Variants in PDIA5 observed in about 807,000 individuals in gnomAD.
The protein encoded by PDIA5 is protein disulfide-isomerase A5.
PDIA5 carries 58 observed loss-of-function variants against 77.6 expected under a neutral mutation model. The ratio of observed to expected loss-of-function variants is 0.75; its 90% confidence interval spans 0.61 to 0.93. The LOEUF is 0.93. Among genes scored for constraint, PDIA5 ranks in the 40% least tolerant of loss-of-function variants. PDIA5 has a pLI of 0.00. For synonymous variants in PDIA5, 250 were observed against 252.1 expected (o/e 0.99, Z 0.08); for missense variants, 630 against 647.7 (o/e 0.97, Z 0.30).
intron 14 of PDIA5, among the ~76,000 whole-genome samples, chr3:123,151,915 GCCTT>G (rs1197876949): frequency 2.4e-5 from 3 of 126,944 alleles, no homozygotes; most frequent in South Asian, 2.6e-4. Flanking sequence ...CTTCCTTCCT[GCCTT>G]CCTTCCTTCC....
intron 8 of PDIA5, among the ~76,000 whole-genome samples, chr3:123,121,953 G>A (rs1935131216): frequency 6.6e-6 from 1 of 152,188 alleles, no homozygotes; most frequent in East Asian, 1.9e-4. Context: ...CATGCTTCCA[G>A]CCACTGCATG....
chr3:123,107,658 A>G (rs556054499), intron 6 of PDIA5, among the ~76,000 whole-genome samples: 1 of 152,282 alleles, frequency 6.6e-6, no homozygotes, highest in East Asian at 1.9e-4. Context: ...ATGGGCAAGA[A>G]CTTCTCTGTG....
rs1192479638 is a variant in PDIA5, at chr3:123,074,831, C to T, written c.42+7625C>T. The stretch of plus-strand genomic sequence containing the variant: ...GATGTCATTTTTCTCCATCCAAATT[C>T]GTAGACTACAGTGGAAAAAAATTAT... On this transcript the variant is annotated intron_variant, in intron 1 of 16. Transcript: ENST00000316218. 2.0e-5 allele frequency among the ~76,000 whole-genome samples: 3 copies of T among 152,086 alleles called. No individual in the cohort carries two copies. In the East Asian group the frequency reaches 5.8e-4, roughly 29 times the overall value.
intron 3 of PDIA5, 59 bp downstream of exon 3, chr3:123,092,501 G>A: frequency 8.4e-7 from 1 of 1,191,370 alleles, no homozygotes; most frequent in African/African-American, 1.5e-5. Context: ...TTGGGGCTTT[G>A]ATTGGTGGGG....
intron 11 of PDIA5, among the ~76,000 whole-genome samples, chr3:123,139,888 T>C (rs1431166633): frequency 6.6e-6 from 1 of 152,180 alleles, no homozygotes; most frequent in Non-Finnish European, 1.5e-5. Flanking sequence ...GCCGAGCCCC[T>C]GCCTGCACAT....
At chr3:123,091,993 C>G (rs1426648629) in intron 2 of PDIA5, among the ~76,000 whole-genome samples, 1 of 152,204 alleles carries the variant, frequency 6.6e-6, no homozygotes, top group African/African-American at 2.4e-5. Flanking sequence ...ATGGAATTGT[C>G]AAAATGTATC....
chr3:123,079,545 T>C (rs957192332), intron 1 of PDIA5, among the ~76,000 whole-genome samples: 5 of 152,250 alleles, frequency 3.3e-5, no homozygotes, highest in African/African-American at 1.2e-4. Context: ...TATTCTTCTA[T>C]TGAGTGGTTT....
chr3:123,121,884 A>G (rs3792369), intron 8 of PDIA5, among the ~76,000 whole-genome samples: 79,357 of 152,210 alleles, frequency 0.52, 21,561 homozygotes, highest in Non-Finnish European at 0.59. Flanking sequence ...ACTGTGACTC[A>G]TTCAAGGAAA....
chr3:123,154,039 G>A (rs958675916), intron 14 of PDIA5, among the ~76,000 whole-genome samples: 1 of 152,274 alleles, frequency 6.6e-6, no homozygotes, highest in Admixed American at 6.5e-5. Flanking sequence ...AGAGGAGGGG[G>A]GTTTGGGTTC....
intron 11 of PDIA5, chr3:123,144,380 A>T (rs926240708): frequency 1.3e-5 from 2 of 152,138 alleles, no homozygotes; most frequent in African/African-American, 4.8e-5. Flanking sequence ...AGCCAGGCTT[A>T]CCTTCTGAGC....
In PDIA5 at chr3:123,092,405, G is replaced by A; in HGVS notation, c.220G>A (p.Val74Met). 1 of 1,613,802 alleles carries A rather than the reference G, an allele frequency of 6.2e-7. No homozygotes were observed. Residue 74 changes from valine to methionine, a missense_variant, in exon 3 of 17, where the codon GTG becomes ATG. Val to Met is a conservative substitution (Grantham distance 21). Coordinates refer to ENST00000316218, the MANE Select transcript of PDIA5 (RefSeq NM_006810.4). ...GTTACTGTCCACAGTGGCCCAGGCG[G>A]TGAAAGGACAAGGGACCATCTGCTG... ...LRLLSTVAQA[V>M]KGQGTICWVD...
At chr3:123,119,374 A>G (rs968323759) in intron 8 of PDIA5, among the ~76,000 whole-genome samples, 1 of 152,228 alleles carries the variant, frequency 6.6e-6, no homozygotes, top group Non-Finnish European at 1.5e-5. Flanking sequence ...AAGCTGGGCA[A>G]GTCAAGCTGT....
intron 11 of PDIA5, among the ~76,000 whole-genome samples, chr3:123,136,871 A>G (rs1448990696): frequency 6.6e-6 from 1 of 152,042 alleles, no homozygotes; most frequent in Non-Finnish European, 1.5e-5. Context: ...GTAAATGTAG[A>G]TATTGGCACA....
rs999956033 is a variant in PDIA5, at chr3:123,068,324, C to A, written c.42+1118C>A. On this transcript the variant is annotated intron_variant, in intron 1 of 16. Transcript: ENST00000316218. ...TTGAAACACTTCCATCTCCCAATACCCTGGCCTTTTGGATCACCAGTGAGG... is the reference window on the plus strand; with the variant it reads ...TTGAAACACTTCCATCTCCCAATACACTGGCCTTTTGGATCACCAGTGAGG... 3.3e-5 allele frequency among the ~76,000 whole-genome samples: 5 copies of A among 152,136 alleles called. No individual in the cohort carries two copies. The East Asian group carries it at 7.7e-4, about 23-fold the overall frequency.
intron 1 of PDIA5, among the ~76,000 whole-genome samples, chr3:123,078,459 T>A (rs571897638): frequency 6.6e-5 from 10 of 152,262 alleles, no homozygotes; most frequent in Admixed American, 1.3e-4. Context: ...AATATCAGAT[T>A]TATAGAGGAG....
chr3:123,144,074 G>T (rs959540006), intron 11 of PDIA5, among the ~76,000 whole-genome samples: 2 of 152,156 alleles, frequency 1.3e-5, no homozygotes, highest in African/African-American at 2.4e-5. Context: ...AACGAGACAG[G>T]TTCATGTCTC....
chr3:123,136,554 G>A (rs1277895384), intron 11 of PDIA5, among the ~76,000 whole-genome samples: 2 of 152,004 alleles, frequency 1.3e-5, no homozygotes, highest in African/African-American at 4.8e-5. Flanking sequence ...GCCTGGCCAA[G>A]ATGGTGAAAC....
chr3:123,126,347 C>T (rs1263547773), intron 10 of PDIA5, among the ~76,000 whole-genome samples: 2 of 152,096 alleles, frequency 1.3e-5, no homozygotes, highest in Non-Finnish European at 2.9e-5. Context: ...CCCCATCCCC[C>T]GCTGTGGGAG....
rs545730798 is a variant in PDIA5, at chr3:123,102,844, G to T, written c.387+48G>T. On this transcript the variant is annotated intron_variant, in intron 5 of 16. Transcript: ENST00000316218. ...CAGCAATGGTGGAGTCTAAATGGAC[G>T]CCCAAAGTCTGGCAGGTTTTCTCTC... 9 of 1,276,684 alleles carry T rather than the reference G, an allele frequency of 7.0e-6. No homozygotes were observed. The Middle Eastern group carries it at 7.3e-4, about 104-fold the overall frequency. The allele number at this position is 1,276,684 out of a possible 1,614,324, so 79.1% of individuals were successfully genotyped here.
Sources: allele counts gnomAD v4.1 joint callset (sites outside exome capture counted in the v4.1 genomes callset), GRCh38; gene constraint gnomAD v4.1.1; transcripts MANE v1.5; gene names NCBI Gene and HGNC (gene_info 2026-07-23, HGNC 2026-07-21).